The following CYP27C1 variants were observed in gnomAD, a reference collection of about 807,000 sequenced individuals.
CYP27C1 encodes the protein cytochrome P450 family 27 subfamily C member 1.
CYP27C1 carries 29 observed loss-of-function variants against 40.6 expected under a neutral mutation model. The ratio of observed to expected loss-of-function variants is 0.71; its 90% confidence interval spans 0.53 to 0.97. The LOEUF (loss-of-function observed/expected upper bound fraction) is 0.97, where lower values mean the gene tolerates loss of function less well. Ranked by LOEUF, CYP27C1 falls within the 50% of genes least tolerant of loss-of-function variation. The pLI is 0.00. For synonymous variants in CYP27C1, 198 were observed against 186.8 expected (o/e 1.06, Z -0.49); for missense variants, 390 against 485.8 (o/e 0.80, Z 1.85).
At chr2:127,203,323 G>A (rs1683085359) in intron 3 of CYP27C1, 49 bp downstream of exon 3, 3 of 1,581,326 alleles carry the variant, frequency 1.9e-6, no homozygotes, top group Non-Finnish European at 2.6e-6. Context: ...TGCAGGTTTG[G>A]GGCAAGTATC....
rs1176462439 is a variant in CYP27C1, at chr2:127,204,477, AAAGAAAGAAAGG to A, written c.474-918_474-907del. 4.4e-4 allele frequency among the ~76,000 whole-genome samples: 28 copies of A among 63,942 alleles called. 4 individuals are homozygous for A. Among genetic ancestry groups the A allele is most frequent in the African/African-American group, 1.2e-3 (20 of 16,392 alleles). 41.9% of individuals were successfully genotyped at this position (63,942 alleles called of 152,430 possible). A position where few individuals can be genotyped will look rare whatever the true frequency, so the allele number is the denominator to read the frequency against. ...GAAAGAAAGAAAGAAAGAAAGAAAG[AAAGAAAGAAAGG>A]AAGGAAGGAAGGAAGGAAAGAAAGA... On this transcript the variant is annotated intron_variant, in intron 2 of 8. Coordinates refer to ENST00000664447, the MANE Select transcript of CYP27C1 (RefSeq NM_001367502.1).
In CYP27C1 at chr2:127,187,073, A is replaced by G. The variant is rs966600723; in HGVS notation, c.*198T>C. 4 of 558,960 alleles carry G rather than the reference A, an allele frequency of 7.2e-6. No individual in the cohort carries two copies. The African/African-American group carries it at 7.5e-5, about 11-fold the overall frequency. The allele number at this position is 558,960 out of a possible 1,614,324, so 34.6% of individuals were successfully genotyped here. A position where few individuals can be genotyped will look rare whatever the true frequency, so the allele number is the denominator to read the frequency against. ...CCCCAAAGAAAGGGCAACTTCTGGT[A>G]TGCACCAGTAAAATAGCAACCTTTT... On this transcript the variant is annotated 3_prime_UTR_variant, in exon 9 of 9. Coordinates refer to ENST00000664447, the MANE Select transcript of CYP27C1 (RefSeq NM_001367502.1).
chr2:127,204,593 G>GA (rs963673140), intron 2 of CYP27C1, among the ~76,000 whole-genome samples: 1 of 97,160 alleles, frequency 1.0e-5, no homozygotes, highest in Admixed American at 1.2e-4. Context: ...AAGAAAGAAA[G>GA]AAAGAAAGAA....
rs1316906780 is a variant in CYP27C1 at position 127,195,758 on chromosome 2, G to A, written c.1048-257C>T. ...ATGATTCATGTGCTCCTGTCATGAA[G>A]AGCCACAGGAAAAATGATCCTGGAG... On this transcript the variant is annotated intron_variant, in intron 5 of 8. Transcript: ENST00000664447. The surrounding 1 kb of genome is among the most constrained non-coding windows in gnomAD (Gnocchi z 6.2). 2.0e-5 allele frequency among the ~76,000 whole-genome samples: 3 copies of A among 152,182 alleles called. No individual in the cohort carries two copies. Among genetic ancestry groups the A allele is most frequent in the African/African-American group, 4.8e-5 (2 of 41,444 alleles).
chr2:127,194,392 T>C (rs1004068957), intron 6 of CYP27C1, among the ~76,000 whole-genome samples: 4 of 152,202 alleles, frequency 2.6e-5, no homozygotes, highest in Non-Finnish European at 5.9e-5. Context: ...TCAAGTCAGC[T>C]TTGAAAGAAT....
chr2:127,214,528 A>G (rs1683390795), intron 1 of CYP27C1, among the ~76,000 whole-genome samples: 1 of 152,206 alleles, frequency 6.6e-6, no homozygotes, highest in Non-Finnish European at 1.5e-5. Flanking sequence ...AGGGACATGG[A>G]TGAAGCTGGA....
At position 127,196,348 on chromosome 2, in the gene CYP27C1, A is replaced by C. The variant is rs1682904241; in HGVS notation, c.1048-847T>G. ...AGTGCTGGGATTACAGGCGTGAGCC[A>C]CCACGCCCGGTCAGCCATGTCATTT... On this transcript the variant is annotated intron_variant, in intron 5 of 8. Coordinates refer to ENST00000664447, the MANE Select transcript of CYP27C1 (RefSeq NM_001367502.1). The surrounding 1 kb of genome is among the most constrained non-coding windows in gnomAD (Gnocchi z 4.5). Among the ~76,000 whole-genome samples, 1 of 152,192 alleles carries C rather than the reference A, an allele frequency of 6.6e-6. No homozygotes were observed. Among genetic ancestry groups the C allele is most frequent in the Non-Finnish European group, 1.5e-5 (1 of 68,036 alleles).
rs1014465405 is a variant in CYP27C1 at position 127,191,750 on chromosome 2, C to A, written c.1497+1344G>T. ...GTCCCGGAGCCAGCAAGTGGCAGAA[C>A]TGAGGGTGAAGCCAGCTTGCCCTGA... On this transcript the variant is annotated intron_variant, in intron 8 of 8. Transcript: ENST00000664447. Among the ~76,000 whole-genome samples the A allele has an allele frequency of 7.9e-5, 12 of 152,234 alleles. No homozygotes were observed. In the South Asian group the frequency reaches 8.3e-4, roughly 10 times the overall value.
At chr2:127,198,839 G>T (rs879616354) in intron 5 of CYP27C1, among the ~76,000 whole-genome samples, 17 of 152,190 alleles carry the variant, frequency 1.1e-4, no homozygotes, top group Non-Finnish European at 8.8e-5. Flanking sequence ...TTCACGCAAT[G>T]ACAGGACCAC....
intron 8 of CYP27C1, among the ~76,000 whole-genome samples, chr2:127,192,792 G>A (rs1187928756): frequency 3.7e-5 from 2 of 53,774 alleles, no homozygotes; most frequent in Non-Finnish European, 7.8e-5. Flanking sequence ...GAGATGGGGA[G>A]GCATTTTCAA....
At chr2:127,191,791 C>G (rs761560872) in intron 8 of CYP27C1, among the ~76,000 whole-genome samples, 1 of 152,202 alleles carries the variant, frequency 6.6e-6, no homozygotes, top group Non-Finnish European at 1.5e-5. Flanking sequence ...CCCTACACAT[C>G]GAGCTGCCAC....
intron 1 of CYP27C1, among the ~76,000 whole-genome samples, chr2:127,207,978 C>T (rs1197507675): frequency 9.9e-5 from 15 of 152,108 alleles, no homozygotes; most frequent in Non-Finnish European, 2.2e-4. Flanking sequence ...ATAAGCTGAT[C>T]CTAAAATTCA....
At chr2:127,217,540 C>G (rs910199398) in intron 1 of CYP27C1, among the ~76,000 whole-genome samples, 3 of 152,188 alleles carry the variant, frequency 2.0e-5, no homozygotes, top group Admixed American at 6.5e-5. Context: ...GAGTGACTAG[C>G]CCAAGGCTCC....
At position 127,201,305 on chromosome 2, in the gene CYP27C1, G is replaced by A. The variant is rs1366197775; in HGVS notation, c.700C>T (p.Arg234Cys). ...ATGCTGTTTTCCAGGCAGCCCAAAC[G>A]ACTCTCATAAAGGATGGTGGCCACT... Reference protein sequence around the residue: ...EGVATILYESRLGCLENSIPQ... With the variant: ...EGVATILYESCLGCLENSIPQ... Residue 234 changes from arginine (R) to cysteine (C), a missense_variant, in exon 4 of 9, where the codon CGT becomes TGT. Coordinates refer to ENST00000664447, the MANE Select transcript of CYP27C1 (RefSeq NM_001367502.1). This position sits in a 1 kb window ranked among gnomAD's most constrained non-coding sequence, Gnocchi z 6.0. 2.5e-6 allele frequency: 4 copies of A among 1,614,056 alleles called. No homozygotes were observed. The highest frequency in any genetic ancestry group is 1.7e-5 in the Admixed American group (1 of 60,030).
chr2:127,203,333 C>T, intron 3 of CYP27C1, 39 bp downstream of exon 3: 2 of 1,594,226 alleles, frequency 1.3e-6, no homozygotes, highest in Non-Finnish European at 1.7e-6. Context: ...GGGCAAGTAT[C>T]CATTCTTCCC....
At chr2:127,207,051 C>T (rs1030538245) in intron 1 of CYP27C1, among the ~76,000 whole-genome samples, 2 of 152,272 alleles carry the variant, frequency 1.3e-5, no homozygotes, top group African/African-American at 4.8e-5. Flanking sequence ...ATTCAATTTA[C>T]AATACATCAA....
intron 8 of CYP27C1, among the ~76,000 whole-genome samples, chr2:127,188,760 A>G (rs1573888746): frequency 6.6e-6 from 1 of 152,184 alleles, no homozygotes; most frequent in Non-Finnish European, 1.5e-5. Context: ...TTGAAAGAAC[A>G]CCAAAGTATC....
chr2:127,216,454 G>T (rs1022492779), intron 1 of CYP27C1, among the ~76,000 whole-genome samples: 6 of 152,218 alleles, frequency 3.9e-5, no homozygotes, highest in Non-Finnish European at 7.4e-5. Flanking sequence ...ACCCATAAAA[G>T]ACCACATATT....
At chr2:127,192,643 G>A (rs921721580) in intron 8 of CYP27C1, among the ~76,000 whole-genome samples, 1 of 133,020 alleles carries the variant, frequency 7.5e-6, no homozygotes, top group Non-Finnish European at 1.6e-5. Flanking sequence ...GCTGCTGACG[G>A]TGCCTGAGAG....
Sources: allele counts gnomAD v4.1 joint callset (sites outside exome capture counted in the v4.1 genomes callset), GRCh38; gene constraint gnomAD v4.1.1; non-coding constraint Gnocchi (gnomAD v3.1); transcripts MANE v1.5; gene names NCBI Gene and HGNC (gene_info 2026-07-23, HGNC 2026-07-21).